The following FHIT variants were observed in gnomAD, a reference collection of about 807,000 sequenced individuals.
FHIT encodes bis(5'-adenosyl)-triphosphatase.
In FHIT, 19 loss-of-function variants were observed where a neutral mutation model predicts 17.9. The observed-to-expected ratio is 1.06, with a 90% CI of 0.74 to 1.56. The LOEUF (loss-of-function observed/expected upper bound fraction) is 1.56, where lower values mean the gene tolerates loss of function less well. Ranked by LOEUF, FHIT falls within the 40% of genes most tolerant of loss-of-function variation. FHIT has a pLI of 0.00. For synonymous variants in FHIT, 81 were observed against 69.7 expected, an observed-to-expected ratio of 1.16 and a Z score of -0.81; for missense variants, 248 against 189.2, an observed-to-expected ratio of 1.31 and a Z score of -1.82.
At chr3:61,191,463 A>G (rs2038714338) in intron 2 of FHIT, among the ~76,000 whole-genome samples, 2 of 152,180 alleles carry the variant, frequency 1.3e-5, no homozygotes, top group South Asian at 4.1e-4. Context: ...TGCAGACAGC[A>G]CATCATGGAA....
chr3:60,623,251 T>G (rs2039185384), intron 4 of FHIT, among the ~76,000 whole-genome samples: 1 of 152,202 alleles, frequency 6.6e-6, no homozygotes, highest in South Asian at 2.1e-4. Flanking sequence ...TGCCATCACT[T>G]TATTTTCCAC....
chr3:60,664,597 T>C lies in FHIT; in HGVS notation c.-17-127618A>G, dbSNP rs370939428. Among the ~76,000 whole-genome samples the C allele has an allele frequency of 5.3e-5, 8 of 152,094 alleles. No homozygotes were observed. In the East Asian group the frequency reaches 1.5e-3, roughly 29 times the overall value. ...TTGGTATAATTCTCCAGTGAAACAA[T>C]GTAGTCCTAGAGATTTCTTTTTTGG... is the stretch of plus-strand genomic sequence containing the variant. On this transcript the variant is annotated intron_variant, in intron 4 of 9. Transcript: ENST00000492590.
chr3:60,156,286 G>C (rs1007571182), intron 5 of FHIT, among the ~76,000 whole-genome samples: 8 of 151,326 alleles, frequency 5.3e-5, no homozygotes, highest in Non-Finnish European at 1.0e-4. Context: ...GGAGGCAGAG[G>C]TTGCAGTGAG....
intron 5 of FHIT, among the ~76,000 whole-genome samples, chr3:60,049,225 T>C (rs1225648172): frequency 2.0e-5 from 3 of 152,234 alleles, no homozygotes; most frequent in African/African-American, 7.2e-5. Flanking sequence ...CTTCTTCTAT[T>C]TGTTTACATC....
At chr3:60,932,180 T>G (rs1269853504) in intron 3 of FHIT, among the ~76,000 whole-genome samples, 5 of 152,244 alleles carry the variant, frequency 3.3e-5, no homozygotes, top group Non-Finnish European at 4.4e-5. Context: ...AGTGCTCTCC[T>G]TCATTTATTC....
At chr3:61,156,229 A>G (rs768013683) in intron 2 of FHIT, among the ~76,000 whole-genome samples, 10 of 152,202 alleles carry the variant, frequency 6.6e-5, no homozygotes, top group Non-Finnish European at 1.2e-4. Context: ...GGCTGCAAGT[A>G]CAACTATATG....
At chr3:60,458,590 AT>A (rs1466712088) in intron 5 of FHIT, among the ~76,000 whole-genome samples, 3 of 100,720 alleles carry the variant, frequency 3.0e-5, no homozygotes, top group East Asian at 5.4e-4. Flanking sequence ...AAGTGTAATA[AT>A]AATAATAATA....
At chr3:60,483,944 C>A (rs2033726825) in intron 5 of FHIT, among the ~76,000 whole-genome samples, 1 of 151,992 alleles carries the variant, frequency 6.6e-6, no homozygotes. Flanking sequence ...ATCTCAGCCC[C>A]CAAACTCCTT....
At chr3:59,887,553 G>A (rs1399018846) in intron 8 of FHIT, among the ~76,000 whole-genome samples, 1 of 152,150 alleles carries the variant, frequency 6.6e-6, no homozygotes, top group Non-Finnish European at 1.5e-5. Flanking sequence ...GTACTAATTA[G>A]CAGTCATAAA....
At chr3:61,180,900 T>G (rs1219010870) in intron 2 of FHIT, among the ~76,000 whole-genome samples, 1 of 152,330 alleles carries the variant, frequency 6.6e-6, no homozygotes, top group Admixed American at 6.5e-5. Flanking sequence ...TAGTTAATGA[T>G]AGTAATCATT....
At chr3:61,209,151 C>A in intron 1 of FHIT, among the ~76,000 whole-genome samples, 1 of 151,790 alleles carries the variant, frequency 6.6e-6, no homozygotes, top group Non-Finnish European at 1.5e-5. Context: ...GGCCCCCACT[C>A]TCTTCTGGCT....
chr3:60,706,155 A>G (rs9838335), intron 4 of FHIT, among the ~76,000 whole-genome samples: 16,631 of 151,176 alleles, frequency 0.11, 1,968 homozygotes, highest in African/African-American at 0.3. Context: ...AGAAAACCAG[A>G]CAGCGTATGT....
chr3:60,820,548 T>C lies in FHIT; in HGVS notation c.-18+1371A>G, dbSNP rs1406555690. 2.6e-5 allele frequency among the ~76,000 whole-genome samples: 4 copies of C among 152,274 alleles called. No homozygotes were observed. In the East Asian group the frequency reaches 7.7e-4, roughly 29 times the overall value. ...ATGCCTGCCTCATCCCACAACAAGA[T>C]GCAGCAATGTCTCACAGTTCTACAA... On this transcript the variant is annotated intron_variant, in intron 4 of 9. Transcript: ENST00000492590.
chr3:59,828,801 A>G (rs1701062390), intron 8 of FHIT, among the ~76,000 whole-genome samples: 1 of 150,894 alleles, frequency 6.6e-6, no homozygotes, highest in East Asian at 1.9e-4. Context: ...CTTTTTTAAG[A>G]AGTAGAGGTT....
intron 8 of FHIT, among the ~76,000 whole-genome samples, chr3:59,833,582 C>T (rs1701238863): frequency 6.6e-6 from 1 of 152,172 alleles, no homozygotes; most frequent in Non-Finnish European, 1.5e-5. Flanking sequence ...TTTTTTAAGA[C>T]ACCTAGTTTG....
At chr3:59,978,875 C>G (rs1447497799) in intron 7 of FHIT, among the ~76,000 whole-genome samples, 1 of 151,644 alleles carries the variant, frequency 6.6e-6, no homozygotes, top group Admixed American at 6.6e-5. Context: ...ACCAGTACAC[C>G]AGGTTACTGC....
chr3:60,057,687 C>A (rs1702135213), intron 5 of FHIT, among the ~76,000 whole-genome samples: 3 of 150,954 alleles, frequency 2.0e-5, no homozygotes, highest in African/African-American at 7.3e-5. Context: ...GACCTTCAGG[C>A]CTCTCGAAAA....
chr3:60,101,623 T>C (rs895475005), intron 5 of FHIT, among the ~76,000 whole-genome samples: 1 of 152,228 alleles, frequency 6.6e-6, no homozygotes, highest in Non-Finnish European at 1.5e-5. Flanking sequence ...ATTTTCCCTA[T>C]TGGAATGTAA....
chr3:60,380,817 G>T (rs1475918666), intron 5 of FHIT, among the ~76,000 whole-genome samples: 1 of 152,158 alleles, frequency 6.6e-6, no homozygotes, highest in Non-Finnish European at 1.5e-5. Context: ...TCCATCATAG[G>T]TTATTCTACC....
Sources: gnomAD v4.1 joint callset for allele counts (sites outside exome capture counted in the v4.1 genomes callset) on GRCh38, gnomAD v4.1.1 for gene constraint, MANE v1.5 for transcripts, NCBI Gene and HGNC (gene_info 2026-07-23, HGNC 2026-07-21) for gene names.